The following PLCE1 variants were observed in gnomAD, a reference collection of about 807,000 sequenced individuals.
The protein encoded by PLCE1 is phospholipase C epsilon 1.
Under a neutral mutation model 242.8 loss-of-function variants are expected in PLCE1, and 119 were observed. That is an observed-to-expected ratio of 0.49 (90% CI 0.42 to 0.57). PLCE1 has a LOEUF of 0.57. PLCE1 is among the 20% of genes least tolerant of loss of function. The pLI is 0.00. For missense variants in PLCE1, 2,441 were observed against 2,788.8 expected (o/e 0.88, Z 2.81); for synonymous variants, 945 against 1,017.4 (o/e 0.93, Z 1.35).
intron 19 of PLCE1, among the ~76,000 whole-genome samples, chr10:94,274,396 CAA>C (rs1480020862): frequency 6.6e-6 from 1 of 152,214 alleles, no homozygotes; most frequent in African/African-American, 2.4e-5. Flanking sequence ...CAGGCTGGCT[CAA>C]AGAGTACAGG....
chr10:94,196,680 G>T (rs1203415472), intron 4 of PLCE1, among the ~76,000 whole-genome samples: 1 of 151,964 alleles, frequency 6.6e-6, no homozygotes, highest in African/African-American at 2.4e-5. Flanking sequence ...CCCCACTCAG[G>T]TATAATGAGG....
chr10:94,145,690 T>A (rs1215668727), intron 3 of PLCE1, among the ~76,000 whole-genome samples: 2 of 152,022 alleles, frequency 1.3e-5, no homozygotes, highest in Non-Finnish European at 2.9e-5. Context: ...CCAGGTGGTG[T>A]CCTGTTCAGC....
chr10:94,016,119 T>C (rs1022468852), intron 1 of PLCE1, among the ~76,000 whole-genome samples: 2 of 152,134 alleles, frequency 1.3e-5, no homozygotes, highest in African/African-American at 4.8e-5. Flanking sequence ...AGTATGATTT[T>C]CCATGATCGC....
intron 30 of PLCE1, among the ~76,000 whole-genome samples, chr10:94,322,836 G>GCAGC (rs2053870210): frequency 6.6e-6 from 1 of 151,676 alleles, no homozygotes; most frequent in East Asian, 1.9e-4. Context: ...TGCACCTGTA[G>GCAGC]TCCCTGCTAC....
intron 29 of PLCE1, among the ~76,000 whole-genome samples, chr10:94,319,961 C>T (rs1484802783): frequency 1.3e-5 from 2 of 149,888 alleles, no homozygotes; most frequent in Non-Finnish European, 3.0e-5. Context: ...ATTCCGCCTC[C>T]CGGGTTCACA....
rs1202717308 is a variant in PLCE1 at position 94,160,574 on chromosome 10, G to A, written c.1493-10606G>A. On this transcript the variant is annotated intron_variant, in intron 3 of 32. Coordinates refer to ENST00000371380, the MANE Select transcript of PLCE1 (RefSeq NM_016341.4). ...TTTTCTCCCATTCTGCAGGTTGCCT[G>A]TTCACTCTGATGGTAGTTTCTTTTG... Among the ~76,000 whole-genome samples, 6 of 152,264 alleles carry A rather than the reference G, an allele frequency of 3.9e-5. No homozygotes were observed. The East Asian group carries it at 1.2e-3, about 29-fold the overall frequency.
intron 27 of PLCE1, among the ~76,000 whole-genome samples, chr10:94,312,123 T>C (rs939635551): frequency 3.3e-5 from 5 of 152,192 alleles, no homozygotes; most frequent in Non-Finnish European, 7.3e-5. Context: ...ATTAATAATA[T>C]AGTGCAAGCT....
chr10:94,147,432 A>AAGAGAGAGAAAGAGAG lies in PLCE1; in HGVS notation c.1492+14991_1492+15006dup, dbSNP rs891391719. On this transcript the variant is annotated intron_variant, in intron 3 of 32. Coordinates refer to ENST00000371380, the MANE Select transcript of PLCE1 (RefSeq NM_016341.4). ...GGGAGACCTTGCCTTGAAAGAAAGA[A>AAGAGAGAGAAAGAGAG]AGAGAGAGAAAGAGAGAGAGAGAGA... 5.4e-5 allele frequency among the ~76,000 whole-genome samples: 8 copies of AAGAGAGAGAAAGAGAG among 147,838 alleles called. No individual in the cohort carries two copies. The South Asian group carries it at 1.1e-3, about 21-fold the overall frequency.
chr10:94,222,692 T>A (rs1480070352), intron 4 of PLCE1, among the ~76,000 whole-genome samples: 3 of 152,134 alleles, frequency 2.0e-5, no homozygotes, highest in African/African-American at 7.2e-5. Flanking sequence ...CCACCTTCTC[T>A]TCCCATCCTG....
intron 14 of PLCE1, among the ~76,000 whole-genome samples, chr10:94,263,503 G>T (rs951638315): frequency 1.0e-4 from 14 of 139,510 alleles, no homozygotes; most frequent in African/African-American, 3.7e-4. Context: ...AACAGAGCAA[G>T]ACCCCATCTC....
In PLCE1 at chr10:94,123,026, A is replaced by G. The variant is rs1436323038; in HGVS notation, c.1207-9148A>G. ...TAAGCAGTGCCCTGTGCTGGGGACA[A>G]AATGTTTATTAAAGCTTGGTCCCTG... On this transcript the variant is annotated intron_variant, in intron 2 of 32. Coordinates refer to ENST00000371380, the MANE Select transcript of PLCE1 (RefSeq NM_016341.4). Among the ~76,000 whole-genome samples the G allele has an allele frequency of 2.6e-5, 4 of 152,204 alleles. No homozygotes were observed. The East Asian group carries it at 7.7e-4, about 29-fold the overall frequency.
chr10:94,250,489 A>G (rs1174564341), intron 8 of PLCE1, among the ~76,000 whole-genome samples: 1 of 152,110 alleles, frequency 6.6e-6, no homozygotes, highest in Non-Finnish European at 1.5e-5. Context: ...CGACAGAGGG[A>G]GACTCCATCT....
At chr10:94,214,215 C>A (rs530216870) in intron 4 of PLCE1, among the ~76,000 whole-genome samples, 1 of 152,304 alleles carries the variant, frequency 6.6e-6, no homozygotes, top group East Asian at 1.9e-4. Flanking sequence ...TCCCAGAAGA[C>A]TGTCCAAGTG....
At chr10:94,248,084 C>A (rs904042715) in intron 8 of PLCE1, among the ~76,000 whole-genome samples, 3 of 152,224 alleles carry the variant, frequency 2.0e-5, no homozygotes, top group Non-Finnish European at 4.4e-5. Context: ...AGTTCTAATA[C>A]ATTTCTGACA....
chr10:94,037,939 C>A (rs2061695084), intron 2 of PLCE1, among the ~76,000 whole-genome samples: 2 of 152,120 alleles, frequency 1.3e-5, no homozygotes, highest in Admixed American at 1.3e-4. Flanking sequence ...TATTATTTTT[C>A]TTTTCCCTAG....
intron 7 of PLCE1, among the ~76,000 whole-genome samples, chr10:94,239,799 T>C (rs1489569650): frequency 6.6e-6 from 1 of 152,112 alleles, no homozygotes; most frequent in Non-Finnish European, 1.5e-5. Context: ...AAGATAATAG[T>C]TACCAGGATT....
At chr10:94,304,955 T>C (rs963345123) in intron 25 of PLCE1, among the ~76,000 whole-genome samples, 2 of 152,196 alleles carry the variant, frequency 1.3e-5, no homozygotes, top group Non-Finnish European at 2.9e-5. Flanking sequence ...CCCATGGAAG[T>C]TGAGCTTTTT....
At position 94,316,776 on chromosome 10, in the gene PLCE1, G is replaced by A. The variant is rs200965091; in HGVS notation, c.6342+20G>A. On this transcript the variant is annotated intron_variant, in intron 29 of 32. Transcript: ENST00000371380. ...CAGGAAGTAAGTGTGTCTGGGTGCA[G>A]CCTACACAGTAACGACTCATTATGT... 252 of 1,546,708 alleles carry A rather than the reference G, an allele frequency of 1.6e-4. No homozygotes were observed. In the East Asian group the frequency reaches 5.0e-3, roughly 31 times the overall value.
At chr10:94,260,320 A>G (rs1015303184) in intron 13 of PLCE1, among the ~76,000 whole-genome samples, 7 of 152,128 alleles carry the variant, frequency 4.6e-5, no homozygotes, top group African/African-American at 1.2e-4. Flanking sequence ...TCATTCTTCT[A>G]TCTCACTCAC....
Sources: gnomAD v4.1 joint callset for allele counts (sites outside exome capture counted in the v4.1 genomes callset) on GRCh38, gnomAD v4.1.1 for gene constraint, MANE v1.5 for transcripts, NCBI Gene and HGNC (gene_info 2026-07-23, HGNC 2026-07-21) for gene names.